STPG2: variants seen among roughly 807,000 people sequenced by gnomAD.
The protein encoded by STPG2 is sperm-tail PG-rich repeat-containing protein 2.
In STPG2, 56 loss-of-function variants were observed where a neutral mutation model predicts 54.2. The ratio of observed to expected loss-of-function variants is 1.03; its 90% CI spans 0.83 to 1.29. STPG2 has a LOEUF of 1.29. STPG2 is among the 50% of genes most tolerant of loss of function. The pLI, the probability that STPG2 is intolerant of heterozygous loss-of-function variation, is 0.00. For synonymous variants in STPG2, 200 were observed against 181.8 expected (o/e 1.10, Z -0.81); for missense variants, 596 against 544.9 (o/e 1.09, Z -0.93).
intron 7 of STPG2, among the ~76,000 whole-genome samples, chr4:97,961,342 GC>G (rs1733882199): frequency 1.3e-5 from 2 of 151,882 alleles, no homozygotes; most frequent in Non-Finnish European, 2.9e-5. Context: ...TGCAATAAAA[GC>G]AAAGATAAAT....
intron 7 of STPG2, among the ~76,000 whole-genome samples, chr4:97,956,206 A>G (rs1278710884): frequency 6.6e-6 from 1 of 152,198 alleles, no homozygotes; most frequent in African/African-American, 2.4e-5. Flanking sequence ...AGAAAGTGGT[A>G]AAGGTCATCC....
chr4:97,451,993 G>C (rs1729382087), intron 4 of STPG2, among the ~76,000 whole-genome samples: 1 of 151,964 alleles, frequency 6.6e-6, no homozygotes, highest in South Asian at 2.1e-4. Context: ...GCAGGATCTG[G>C]GGACAAGCAG....
At chr4:97,809,278 G>T (rs777929390) in intron 9 of STPG2, among the ~76,000 whole-genome samples, 1 of 152,156 alleles carries the variant, frequency 6.6e-6, no homozygotes, top group Non-Finnish European at 1.5e-5. Flanking sequence ...GGATAATGGT[G>T]ACAGAGAGAG....
chr4:98,125,489 G>C (rs984569215), intron 3 of STPG2, among the ~76,000 whole-genome samples: 4 of 152,112 alleles, frequency 2.6e-5, no homozygotes, highest in Non-Finnish European at 4.4e-5. Context: ...CCCCCACCTG[G>C]AGGCATCACA....
At chr4:97,718,164 AG>A (rs1284433228) in intron 9 of STPG2, among the ~76,000 whole-genome samples, 4 of 152,096 alleles carry the variant, frequency 2.6e-5, no homozygotes, top group African/African-American at 9.6e-5. Context: ...TGTACAAATC[AG>A]GATAATGCTA....
At chr4:97,546,704 A>C (rs1390253899) in intron 4 of STPG2, among the ~76,000 whole-genome samples, 1 of 152,198 alleles carries the variant, frequency 6.6e-6, no homozygotes, top group African/African-American at 2.4e-5. Flanking sequence ...AAATCTTATA[A>C]AGGAAATAGA....
intron 2 of STPG2, among the ~76,000 whole-genome samples, chr4:98,129,606 G>A (rs989976944): frequency 9.2e-5 from 14 of 151,748 alleles, no homozygotes; most frequent in Non-Finnish European, 1.6e-4. Context: ...TCCTTTTATC[G>A]AAATTTGGAT....
chr4:97,860,467 G>GTTTTA (rs56308311), intron 8 of STPG2, among the ~76,000 whole-genome samples: 42,208 of 138,344 alleles, frequency 0.31, 6,876 homozygotes, highest in Non-Finnish European at 0.37. Context: ...ATATTCCTAA[G>GTTTTA]TTTTATTTTA....
At chr4:97,553,680 T>A (rs1165420809) in intron 4 of STPG2, among the ~76,000 whole-genome samples, 2 of 152,196 alleles carry the variant, frequency 1.3e-5, no homozygotes, top group Non-Finnish European at 2.9e-5. Context: ...CTTAGGAAAA[T>A]CCTTCTACCT....
chr4:98,033,732 A>C (rs1412933582), intron 5 of STPG2, among the ~76,000 whole-genome samples: 1 of 152,234 alleles, frequency 6.6e-6, no homozygotes, highest in Non-Finnish European at 1.5e-5. Flanking sequence ...ATCCAGTAGC[A>C]CATCAAAAAG....
chr4:97,977,981 TGAG>T (rs1232372598), intron 6 of STPG2, among the ~76,000 whole-genome samples: 1 of 152,188 alleles, frequency 6.6e-6, no homozygotes, highest in Non-Finnish European at 1.5e-5. Context: ...CACTAATACT[TGAG>T]GTAATGAAGA....
At position 97,709,510 on chromosome 4, in the gene STPG2, T is replaced by C. The variant is rs564760887; in HGVS notation, c.1320+3189A>G. On this transcript the variant is annotated intron_variant, in intron 10 of 10. Coordinates refer to ENST00000295268, the MANE Select transcript of STPG2 (RefSeq NM_174952.3). ...ATTATACTCATAAAATGAATTGTTA[T>C]TGAACTTCAATTAATTTCAGCAGAA... 5.3e-5 allele frequency among the ~76,000 whole-genome samples: 8 copies of C among 151,624 alleles called. No individual in the cohort carries two copies. In the East Asian group the frequency reaches 1.4e-3, roughly 26 times the overall value.
At chr4:97,860,738 TC>T (rs1400708208) in intron 8 of STPG2, among the ~76,000 whole-genome samples, 2 of 151,894 alleles carry the variant, frequency 1.3e-5, no homozygotes, top group Non-Finnish European at 2.9e-5. Context: ...TAGTTTAACC[TC>T]CTTTTTATCA....
intron 5 of STPG2, among the ~76,000 whole-genome samples, chr4:98,101,864 T>TGGG (rs140638030): frequency 6.9e-6 from 1 of 144,000 alleles, no homozygotes. Context: ...TTTCATTATC[T>TGGG]TCCCCCTCCC....
downstream of STPG2, among the ~76,000 whole-genome samples, chr4:97,554,677 G>A (rs1013234345): frequency 2.0e-5 from 3 of 152,164 alleles, no homozygotes; most frequent in Non-Finnish European, 4.4e-5. Context: ...CTAAACTTCA[G>A]GAATGGAAAA....
chr4:98,051,885 C>T (rs1737331800), intron 5 of STPG2, among the ~76,000 whole-genome samples: 1 of 151,932 alleles, frequency 6.6e-6, no homozygotes, highest in Admixed American at 6.6e-5. Context: ...GTCAGAATTT[C>T]CAGACCAGCC....
At chr4:97,604,882 C>T (rs1733555639) in intron 10 of STPG2, among the ~76,000 whole-genome samples, 1 of 151,672 alleles carries the variant, frequency 6.6e-6, no homozygotes, top group African/African-American at 2.4e-5. Flanking sequence ...GTCTAGTATT[C>T]TTTAAGAAAT....
chr4:97,558,558 T>A (rs913405796), downstream of STPG2, among the ~76,000 whole-genome samples: 2 of 152,202 alleles, frequency 1.3e-5, no homozygotes, highest in African/African-American at 4.8e-5. Context: ...GAGATCCACA[T>A]GGCAAGGAAC....
chr4:97,725,556 A>C (rs1724596334), intron 9 of STPG2, among the ~76,000 whole-genome samples: 1 of 151,950 alleles, frequency 6.6e-6, no homozygotes, highest in South Asian at 2.1e-4. Context: ...GGAGCACATA[A>C]CTGTTGGTAT....
Sources: gnomAD v4.1 joint callset for allele counts (sites outside exome capture counted in the v4.1 genomes callset) on GRCh38, gnomAD v4.1.1 for gene constraint, MANE v1.5 for transcripts, NCBI Gene and HGNC (gene_info 2026-07-23, HGNC 2026-07-21) for gene names.